The following EXOC4 variants were observed in gnomAD, a reference collection of about 807,000 sequenced individuals.
EXOC4 encodes the protein exocyst complex component 4.
Under a neutral mutation model 107.2 loss-of-function variants are expected in EXOC4, and 71 were observed. The observed-to-expected ratio is 0.66, with a 90% CI of 0.55 to 0.81. The LOEUF (loss-of-function observed/expected upper bound fraction) is 0.81. EXOC4 is among the 30% of genes least tolerant of loss of function. The probability of loss-of-function intolerance (pLI) is 0.00; values close to 1 mark genes in which losing one functional copy is unlikely to be tolerated. For missense variants in EXOC4, 1,108 were observed against 1,189.6 expected (o/e 0.93, Z 1.01); for synonymous variants, 456 against 441.2 (o/e 1.03, Z -0.42).
chr7:133,434,512 C>T (rs965726495), intron 7 of EXOC4, among the ~76,000 whole-genome samples: 34 of 152,142 alleles, frequency 2.2e-4, no homozygotes, highest in Admixed American at 6.5e-4. Context: ...TCAAAGCTCC[C>T]CTCCAAGTCA....
intron 11 of EXOC4, among the ~76,000 whole-genome samples, chr7:133,845,431 C>A (rs143904207): frequency 6.9e-6 from 1 of 145,110 alleles, no homozygotes; most frequent in African/African-American, 2.5e-5. Flanking sequence ...CTTATATATA[C>A]TAGATATATA....
chr7:133,543,565 A>G (rs749057225), intron 9 of EXOC4, among the ~76,000 whole-genome samples: 4 of 152,100 alleles, frequency 2.6e-5, no homozygotes, highest in Non-Finnish European at 5.9e-5. Flanking sequence ...GGTTATCCTT[A>G]TGCTGTCATT....
intron 10 of EXOC4, among the ~76,000 whole-genome samples, chr7:133,758,412 T>TA (rs1371335323): frequency 1.3e-5 from 2 of 152,210 alleles, no homozygotes; most frequent in Non-Finnish European, 2.9e-5. Context: ...GTGCTGGGAT[T>TA]ACAGGCATGA....
At chr7:134,047,693 G>C (rs1389937675) in intron 17 of EXOC4, among the ~76,000 whole-genome samples, 2 of 143,168 alleles carry the variant, frequency 1.4e-5, no homozygotes, top group Non-Finnish European at 3.1e-5. Flanking sequence ...ATCACAAGGA[G>C]GTTTTGTGAC....
At chr7:133,815,242 G>A (rs1475502655) in intron 10 of EXOC4, among the ~76,000 whole-genome samples, 4 of 151,838 alleles carry the variant, frequency 2.6e-5, no homozygotes, top group Admixed American at 6.6e-5. Flanking sequence ...TTAGCTGGGC[G>A]TGGTGGTGCA....
intron 5 of EXOC4, among the ~76,000 whole-genome samples, chr7:133,349,215 A>G (rs1157521997): frequency 1.3e-5 from 2 of 152,102 alleles, no homozygotes; most frequent in East Asian, 3.9e-4. Context: ...GCAGTGTTAA[A>G]TACATTGATA....
intron 7 of EXOC4, among the ~76,000 whole-genome samples, chr7:133,416,923 C>A (rs879185870): frequency 6.6e-6 from 1 of 152,030 alleles, no homozygotes. Context: ...TGGGATATTA[C>A]AGGGAAGGAA....
In EXOC4 at chr7:133,720,741, A is replaced by G. The variant is rs150031121; in HGVS notation, c.1514+90600A>G. Among the ~76,000 whole-genome samples, 363 of 152,336 alleles carry G rather than the reference A, an allele frequency of 2.4e-3. 5 individuals are homozygous for G. The highest frequency in any genetic ancestry group is 8.2e-3 in the African/African-American group (339 of 41,578). On this transcript the variant is annotated intron_variant, in intron 10 of 17. Coordinates refer to ENST00000253861, the MANE Select transcript of EXOC4 (RefSeq NM_021807.4). ...GTATTTAGCAAACAATAATATTTCCATGGTAGATAAAGAGAAGATAGACTA... is the reference window on the plus strand; with the variant it reads ...GTATTTAGCAAACAATAATATTTCCGTGGTAGATAAAGAGAAGATAGACTA...
chr7:133,675,965 T>C (rs926912918), intron 10 of EXOC4, among the ~76,000 whole-genome samples: 1 of 152,120 alleles, frequency 6.6e-6, no homozygotes, highest in African/African-American at 2.4e-5. Flanking sequence ...TTTATGCTTG[T>C]ACTATGAATA....
intron 13 of EXOC4, among the ~76,000 whole-genome samples, chr7:133,922,988 T>A (rs202223598): frequency 7.8e-5 from 2 of 25,804 alleles, no homozygotes; most frequent in Non-Finnish European, 1.4e-4. Context: ...ATATCCTGGG[T>A]TTTTTTTTTT....
chr7:133,569,886 GTCACCGTTGGAATATGTTTA>G (rs1229248880), intron 9 of EXOC4, among the ~76,000 whole-genome samples: 1 of 152,108 alleles, frequency 6.6e-6, no homozygotes, highest in African/African-American at 2.4e-5. Context: ...TTACATCTCT[GTCACCGTTGGAATATGTTTA>G]TGAGATCTGG....
chr7:133,668,296 A>C (rs555047171), intron 10 of EXOC4, among the ~76,000 whole-genome samples: 2 of 152,238 alleles, frequency 1.3e-5, no homozygotes, highest in South Asian at 4.1e-4. Context: ...CATACAGAAT[A>C]TTCAGTGGTC....
At chr7:133,433,918 C>T (rs1797909368) in intron 7 of EXOC4, among the ~76,000 whole-genome samples, 1 of 152,146 alleles carries the variant, frequency 6.6e-6, no homozygotes, top group Non-Finnish European at 1.5e-5. Context: ...CCAGTGGCTC[C>T]TTTTTTTGTT....
chr7:133,332,419 A>G (rs1795415768), intron 5 of EXOC4, among the ~76,000 whole-genome samples: 1 of 152,176 alleles, frequency 6.6e-6, no homozygotes, highest in Non-Finnish European at 1.5e-5. Flanking sequence ...TCACGAGGTC[A>G]GGAGATCGAG....
In EXOC4 at chr7:134,004,969, G is replaced by C; in HGVS notation, c.2406G>C (p.Val802=). 1 of 1,613,514 alleles carries C rather than the reference G, an allele frequency of 6.2e-7. No individual in the cohort carries two copies. The highest frequency in any genetic ancestry group is 1.7e-5 in the Admixed American group (1 of 59,952). Residue 802 remains valine (V), a synonymous_variant, in exon 16 of 18, where the codon GTG becomes GTC. Coordinates refer to ENST00000253861, the MANE Select transcript of EXOC4 (RefSeq NM_021807.4). ...PLAKEGNYAI[V]ANVESMDYDP... is the part of the protein sequence containing the mutation. Reference sequence around the variant, plus strand: ...CAAAGGAGGGGAACTATGCCATTGTGGCTAATGTGGAAAGTATGGATTATG... The same window carrying C: ...CAAAGGAGGGGAACTATGCCATTGTCGCTAATGTGGAAAGTATGGATTATG...
intron 10 of EXOC4, among the ~76,000 whole-genome samples, chr7:133,803,577 A>T (rs550937495): frequency 6.6e-6 from 1 of 152,208 alleles, no homozygotes; most frequent in Middle Eastern, 3.2e-3. Flanking sequence ...AAATTCTTCT[A>T]CAGAGTCTAG....
At chr7:133,736,569 C>G (rs1041930536) in intron 10 of EXOC4, among the ~76,000 whole-genome samples, 1 of 152,184 alleles carries the variant, frequency 6.6e-6, no homozygotes, top group South Asian at 2.1e-4. Context: ...ATTTACCCTT[C>G]TAGGTTTATT....
chr7:134,077,741 C>G, the EXOC4 span, among the ~76,000 whole-genome samples: 19 of 152,308 alleles, frequency 1.2e-4, no homozygotes, highest in South Asian at 1.2e-3. Context: ...CCAAGCAACC[C>G]AGATGTCTGT....
intron 10 of EXOC4, among the ~76,000 whole-genome samples, chr7:133,678,272 T>C (rs1794108949): frequency 6.6e-6 from 1 of 152,204 alleles, no homozygotes; most frequent in African/African-American, 2.4e-5. Flanking sequence ...AGTTAACTAA[T>C]TGAAACACTC....
Sources: gnomAD v4.1 joint callset for allele counts (sites outside exome capture counted in the v4.1 genomes callset) on GRCh38, gnomAD v4.1.1 for gene constraint, MANE v1.5 for transcripts, NCBI Gene and HGNC (gene_info 2026-07-23, HGNC 2026-07-21) for gene names.